Variants in FAT2 observed in about 807,000 individuals in gnomAD.
FAT2 encodes the protein FAT atypical cadherin 2, also known as protocadherin Fat 2.
A neutral mutation model predicts 295.3 loss-of-function variants in FAT2; 150 were observed. The ratio of observed to expected loss-of-function variants is 0.51; its 90% confidence interval spans 0.44 to 0.58. The LOEUF (loss-of-function observed/expected upper bound fraction) is 0.58, where lower values mean the gene tolerates loss of function less well. FAT2 is among the 20% of genes least tolerant of loss of function. FAT2 has a pLI of 0.00. For missense variants in FAT2, 4,868 were observed against 5,442.7 expected (o/e 0.89, Z 3.32); for synonymous variants, 2,026 against 2,150.3 (o/e 0.94, Z 1.60).
rs138553789 is a variant in FAT2 at position 151,563,424 on chromosome 5, G to C, written c.3475C>G (p.Leu1159Val). 6.2e-7 allele frequency: 1 copy of C among 1,614,242 alleles called. No homozygotes were observed. Among genetic ancestry groups the C allele is most frequent in the Non-Finnish European group, 8.5e-7 (1 of 1,180,042 alleles). Residue 1159 changes from leucine (L) to valine (V), a missense_variant, in exon 3 of 24, where the codon CTG becomes GTG. Around this residue, in one of 5 missense-constraint regions of FAT2, gnomAD observed 3,297 missense variants for 3,669.4 expected, o/e 0.90. Transcript: ENST00000261800. Reference sequence around the variant, plus strand: ...CTGGAGTCTGGGTCCCAGGCATCCAGTTGAAGCACAGAGGTGCCCACGGGA... The same window carrying C: ...CTGGAGTCTGGGTCCCAGGCATCCACTTGAAGCACAGAGGTGCCCACGGGA... ...DAPVGTSVLQ[L>V]DAWDPDSSSK...
At position 151,553,820 on chromosome 5, in the gene FAT2, G is replaced by C. The variant is rs1700644168; in HGVS notation, c.3946-433C>G. ...TGATTTAATCCTCACAATAACCTTG[G>C]AAGAGGTCCTGTTATCATCTGTCTT... On this transcript the variant is annotated intron_variant, in intron 5 of 23. Coordinates refer to ENST00000261800, the MANE Select transcript of FAT2 (RefSeq NM_001447.3). 3.3e-5 allele frequency among the ~76,000 whole-genome samples: 5 copies of C among 152,230 alleles called. No homozygotes were observed. In the South Asian group the frequency reaches 1.0e-3, roughly 32 times the overall value.
intron 21 of FAT2, chr5:151,510,630 C>T (rs1761247161): frequency 6.5e-6 from 1 of 153,828 alleles, no homozygotes; most frequent in Admixed American, 6.4e-5. Context: ...GGGGTTCAAA[C>T]CTAGACAGCT....
In FAT2 at chr5:151,522,099, C is replaced by T; in HGVS notation, c.10507-13G>A. On this transcript the variant is annotated splice_polypyrimidine_tract_variant and intron_variant, in intron 18 of 23. Transcript: ENST00000261800. ...CACTGTCTGACGCCTGTGGGCAAAACAAACACTGCTGTCACCCAACAGAAC... is the reference window on the plus strand; with the variant it reads ...CACTGTCTGACGCCTGTGGGCAAAATAAACACTGCTGTCACCCAACAGAAC... The T allele has an allele frequency of 1.3e-6, 2 of 1,560,060 alleles. No homozygotes were observed. Among genetic ancestry groups the T allele is most frequent in the Non-Finnish European group, 1.7e-6 (2 of 1,144,882 alleles).
At position 151,568,137 on chromosome 5, in the gene FAT2, G is replaced by C; in HGVS notation, c.795C>G (p.Asp265Glu). Residue 265 changes from aspartate (D) to glutamate (E), a missense_variant, in exon 2 of 24, where the codon GAC becomes GAG. Asp to Glu is a conservative substitution (Grantham distance 45). Coordinates refer to ENST00000261800, the MANE Select transcript of FAT2 (RefSeq NM_001447.3). The part of the protein sequence containing the change: ...AIASVVVTPP[D>E]SNDGTTYATV... ...TGGCATAGGTGGTACCATCATTGCTGTCTGGTGGAGTCACCACCACCGAAG... is the reference window on the plus strand; with the variant it reads ...TGGCATAGGTGGTACCATCATTGCTCTCTGGTGGAGTCACCACCACCGAAG... 3 of 1,614,136 alleles carry C rather than the reference G, an allele frequency of 1.9e-6. No individual in the cohort carries two copies. The highest frequency in any genetic ancestry group is 1.7e-6 in the Non-Finnish European group (2 of 1,179,986).
Position 151,507,230 on chromosome 5 carries a change from T to G in FAT2, c.12441A>C (p.Arg4147Ser), listed in dbSNP as rs2127564194. Residue 4147 changes from arginine to serine, a missense_variant, in exon 23 of 24, where the codon AGA becomes AGC. Coordinates refer to ENST00000261800, the MANE Select transcript of FAT2 (RefSeq NM_001447.3). ...GGGAAGGGACCGCAGCTGGCGGGAG[T>G]CTGGGGGGCACACTGCAGACCACTG... ...QRPVVCSVPP[R>S]LPPAAVPSHS... 6.2e-7 allele frequency: 1 copy of G among 1,613,102 alleles called. No individual in the cohort carries two copies. The highest frequency in any genetic ancestry group is 8.5e-7 in the Non-Finnish European group (1 of 1,179,430).
At chr5:151,526,057 C>G (rs1311079872) in intron 17 of FAT2, 92 bp from the exon 18 acceptor site, 1 of 1,209,844 alleles carries the variant, frequency 8.3e-7, no homozygotes, top group Non-Finnish European at 1.2e-6. Context: ...GGAATGAGTC[C>G]TCAGCACTCT....
chr5:151,584,687 A>G (rs1370188625), intron 1 of FAT2, among the ~76,000 whole-genome samples: 3 of 152,220 alleles, frequency 2.0e-5, no homozygotes, highest in Non-Finnish European at 4.4e-5. Flanking sequence ...GGCAGGTACT[A>G]TCCTTTCATC....
chr5:151,593,380 G>A (rs1759488724), upstream of FAT2, among the ~76,000 whole-genome samples: 1 of 152,160 alleles, frequency 6.6e-6, no homozygotes, highest in South Asian at 2.1e-4. Context: ...GGGGAGATGG[G>A]TATCAGGATG....
intron 21 of FAT2, 91 bp from the exon 22 acceptor site, chr5:151,510,265 T>A (rs770578158): frequency 2.9e-5 from 41 of 1,403,488 alleles, no homozygotes; most frequent in Non-Finnish European, 3.9e-5. Context: ...TGTGCAGCCG[T>A]TCAGTTACCA....
intron 10 of FAT2, among the ~76,000 whole-genome samples, chr5:151,541,864 G>A (rs1358294295): frequency 6.6e-6 from 1 of 152,192 alleles, no homozygotes; most frequent in Non-Finnish European, 1.5e-5. Context: ...GATTGACTAA[G>A]AAGCATTTTC....
At chr5:151,570,621 G>A (rs1047832688) in intron 1 of FAT2, among the ~76,000 whole-genome samples, 1 of 152,234 alleles carries the variant, frequency 6.6e-6, no homozygotes, top group African/African-American at 2.4e-5. Context: ...GCAGGGTTTG[G>A]CAGGGCCATG....
chr5:151,523,018 G>T (rs1364536024), intron 18 of FAT2, among the ~76,000 whole-genome samples: 1 of 152,146 alleles, frequency 6.6e-6, no homozygotes, highest in African/African-American at 2.4e-5. Context: ...GACTTAGAAA[G>T]GACAGGCTTG....
At chr5:151,533,208 C>T (rs1230583892) in intron 13 of FAT2, among the ~76,000 whole-genome samples, 1 of 152,072 alleles carries the variant, frequency 6.6e-6, no homozygotes, top group Non-Finnish European at 1.5e-5. Context: ...AAGTAGGGAG[C>T]ATCCTGTCCC....
intron 1 of FAT2, among the ~76,000 whole-genome samples, chr5:151,589,224 T>TC (rs1759303447): frequency 6.6e-6 from 1 of 152,080 alleles, no homozygotes; most frequent in Admixed American, 6.5e-5. Context: ...CCGTACCAAC[T>TC]CCATCTCCCC....
intron 1 of FAT2, among the ~76,000 whole-genome samples, chr5:151,586,737 T>G (rs1227490341): frequency 6.6e-6 from 1 of 152,236 alleles, no homozygotes; most frequent in African/African-American, 2.4e-5. Flanking sequence ...TTTAAAGAGA[T>G]ATATGGAAAT....
At position 151,545,727 on chromosome 5, in the gene FAT2, C is replaced by T. The variant is rs140971899; in HGVS notation, c.5400G>A (p.Leu1800=). ...CCTCCGGCTCCAAAATTTTATAGACCAACAAGGAATTAGCTTCTTTGTCAC... is the reference window on the plus strand; with the variant it reads ...CCTCCGGCTCCAAAATTTTATAGACTAACAAGGAATTAGCTTCTTTGTCAC... ...SDSDKEANSL[L]VYKILEPEAL... Residue 1800 remains leucine (L), a synonymous_variant, in exon 10 of 24, where the codon TTG becomes TTA. Transcript: ENST00000261800. 1.9e-6 allele frequency: 3 copies of T among 1,614,022 alleles called. No individual in the cohort carries two copies. The highest frequency in any genetic ancestry group is 1.7e-5 in the Admixed American group (1 of 59,976).
chr5:151,581,770 C>A (rs1321181745), intron 1 of FAT2, among the ~76,000 whole-genome samples: 2 of 152,194 alleles, frequency 1.3e-5, no homozygotes, highest in Admixed American at 6.5e-5. Flanking sequence ...GTCCCCCTGG[C>A]CCGCTCCCCA....
chr5:151,579,866 G>A (rs1383806812), intron 1 of FAT2, among the ~76,000 whole-genome samples: 1 of 151,746 alleles, frequency 6.6e-6, no homozygotes. Flanking sequence ...ATAAATGCTA[G>A]CTGTTGTTAT....
chr5:151,538,194 G>A (rs946641857), intron 11 of FAT2, among the ~76,000 whole-genome samples: 4 of 152,304 alleles, frequency 2.6e-5, no homozygotes, highest in East Asian at 3.9e-4. Flanking sequence ...AACAGGAAGA[G>A]GATGACAAGA....
Sources: gnomAD v4.1 joint callset for allele counts (sites outside exome capture counted in the v4.1 genomes callset) on GRCh38, gnomAD v4.1.1 for gene constraint, gnomAD v4.1.1 regional missense constraint, MANE v1.5 for transcripts, NCBI Gene and HGNC (gene_info 2026-07-23, HGNC 2026-07-21) for gene names.